The following CUL2 variants were observed in gnomAD, a reference collection of about 807,000 sequenced individuals.
CUL2 encodes cullin 2.
Under a neutral mutation model 110.2 loss-of-function variants are expected in CUL2, and 22 were observed. The observed-to-expected ratio is 0.20, with a 90% CI of 0.14 to 0.28. CUL2 has a LOEUF of 0.28. CUL2 is among the 10% of genes least tolerant of loss of function. The probability of loss-of-function intolerance (pLI) is 1.00; values close to 1 mark genes in which losing one functional copy is unlikely to be tolerated. For synonymous variants in CUL2, 279 were observed against 293.2 expected (o/e 0.95, Z 0.49); for missense variants, 631 against 905.5 (o/e 0.70, Z 3.89).
At chr10:35,020,956 T>G (rs1374652182) in intron 17 of CUL2, among the ~76,000 whole-genome samples, 1 of 150,330 alleles carries the variant, frequency 6.7e-6, no homozygotes, top group Admixed American at 6.8e-5. Flanking sequence ...TTCTTTTTAT[T>G]TTATGGGTTT....
chr10:35,022,143 C>T (rs1025750002), intron 17 of CUL2, among the ~76,000 whole-genome samples: 2 of 152,040 alleles, frequency 1.3e-5, no homozygotes, highest in African/African-American at 2.4e-5. Context: ...TTATTTCTGT[C>T]CACTTGGCGT....
At chr10:35,081,119 G>T (rs1476112906) in intron 1 of CUL2, among the ~76,000 whole-genome samples, 2 of 152,108 alleles carry the variant, frequency 1.3e-5, no homozygotes, top group Non-Finnish European at 2.9e-5. Flanking sequence ...AGCTACTCAG[G>T]AGGCTAAGGT....
At chr10:35,082,893 C>A (rs903166154) in intron 1 of CUL2, among the ~76,000 whole-genome samples, 3 of 152,134 alleles carry the variant, frequency 2.0e-5, no homozygotes, top group Non-Finnish European at 4.4e-5. Flanking sequence ...CATGGTGGCT[C>A]ATGCTTGTAA....
rs555560190 is a variant in CUL2, at chr10:35,113,729, C to T, written c.-50-12669G>A. On this transcript the variant is annotated intron_variant, in intron 1 of 5. Coordinates refer to the CUL2 transcript ENST00000685421. The stretch of plus-strand genomic sequence containing the variant: ...GTTTTTCTTTTTTATTTTTTTGAGA[C>T]GGAGTTTCGCTCTGTCACCCAGGCT... Among the ~76,000 whole-genome samples, 170 of 150,808 alleles carry T rather than the reference C, an allele frequency of 1.1e-3. 1 individual carries two copies. The highest frequency in any genetic ancestry group is 3.9e-3 in the African/African-American group (162 of 41,230).
intron 2 of CUL2, among the ~76,000 whole-genome samples, chr10:35,065,620 AAAAT>A (rs773974824): frequency 2.6e-5 from 4 of 152,056 alleles, no homozygotes; most frequent in Non-Finnish European, 4.4e-5. Flanking sequence ...CTCCATCTCA[AAAAT>A]AAATAAATAA....
At chr10:35,099,014 G>A (rs1049630296) in intron 2 of CUL2, among the ~76,000 whole-genome samples, 2 of 152,144 alleles carry the variant, frequency 1.3e-5, no homozygotes, top group East Asian at 1.9e-4. Context: ...GTCAAATGTG[G>A]TAAGTCTGGA....
intron 2 of CUL2, among the ~76,000 whole-genome samples, chr10:35,097,793 T>A (rs903553227): frequency 1.3e-5 from 2 of 151,864 alleles, no homozygotes; most frequent in Non-Finnish European, 2.9e-5. Flanking sequence ...ACCCCATCTT[T>A]ACCAAAAATA....
intron 4 of CUL2, among the ~76,000 whole-genome samples, chr10:35,056,711 C>T (rs1414280688): frequency 6.6e-6 from 1 of 152,210 alleles, no homozygotes; most frequent in Non-Finnish European, 1.5e-5. Context: ...AGGAGCGGTG[C>T]TCCCTCAGTA....
chr10:35,099,241 A>T (rs1316151734), intron 2 of CUL2, among the ~76,000 whole-genome samples: 1 of 152,074 alleles, frequency 6.6e-6, no homozygotes, highest in Non-Finnish European at 1.5e-5. Context: ...ATACAAAAAA[A>T]TTAGCTGGGC....
At chr10:35,047,700 T>C (rs1468665557) in intron 6 of CUL2, among the ~76,000 whole-genome samples, 1 of 151,290 alleles carries the variant, frequency 6.6e-6, no homozygotes, top group Non-Finnish European at 1.5e-5. Context: ...GTTGGATCTC[T>C]TGAGGTAGGA....
At chr10:35,091,052 C>T (rs961444259), upstream of CUL2, among the ~76,000 whole-genome samples, 2 of 152,192 alleles carry the variant, frequency 1.3e-5, no homozygotes, top group African/African-American at 4.8e-5. Context: ...AGAAACTTCA[C>T]ATCTTTTTCA....
chr10:35,039,765 G>A (rs1209939683), intron 8 of CUL2, among the ~76,000 whole-genome samples: 1 of 152,172 alleles, frequency 6.6e-6, no homozygotes, highest in Non-Finnish European at 1.5e-5. Context: ...CAGGGCAAGA[G>A]AATCACTTCA....
intron 1 of CUL2, among the ~76,000 whole-genome samples, chr10:35,077,367 G>C (rs1409499652): frequency 6.7e-6 from 1 of 150,270 alleles, no homozygotes; most frequent in Non-Finnish European, 1.5e-5. Flanking sequence ...GTGTGGTGGT[G>C]GCTGCCTATA....
intron 1 of CUL2, among the ~76,000 whole-genome samples, chr10:35,112,027 C>T (rs2087529634): frequency 6.6e-6 from 1 of 152,160 alleles, no homozygotes; most frequent in Non-Finnish European, 1.5e-5. Context: ...CTGAAGGCCT[C>T]ATTACTCCTT....
At chr10:35,080,292 C>T (rs914134282) in intron 1 of CUL2, among the ~76,000 whole-genome samples, 1 of 152,080 alleles carries the variant, frequency 6.6e-6, no homozygotes, top group African/African-American at 2.4e-5. Context: ...GAGCAAGCCA[C>T]TGGATGTAAC....
chr10:35,118,578 T>C (rs2087635878), intron 1 of CUL2: 1 of 152,236 alleles, frequency 6.6e-6, no homozygotes, highest in African/African-American at 2.4e-5. Flanking sequence ...TTATTTTCAA[T>C]TCTTATTGTC....
intron 1 of CUL2, chr10:35,074,213 G>A: frequency 6.5e-7 from 1 of 1,535,346 alleles, no homozygotes; most frequent in Non-Finnish European, 8.7e-7. Context: ...AGTTGACCAT[G>A]TTACTCTGTA....
intron 1 of CUL2, among the ~76,000 whole-genome samples, chr10:35,080,373 A>G (rs1269811784): frequency 6.6e-6 from 1 of 152,128 alleles, no homozygotes; most frequent in Non-Finnish European, 1.5e-5. Flanking sequence ...TGACCCACAG[A>G]GCTCTAAGTA....
intron 8 of CUL2, among the ~76,000 whole-genome samples, chr10:35,043,346 G>A (rs1342104390): frequency 6.6e-6 from 1 of 151,416 alleles, no homozygotes; most frequent in African/African-American, 2.5e-5. Context: ...TAGAACCACT[G>A]ATCTAGTGTA....
Sources: gnomAD v4.1 joint callset for allele counts (sites outside exome capture counted in the v4.1 genomes callset) on GRCh38, gnomAD v4.1.1 for gene constraint, MANE v1.5 for transcripts, NCBI Gene and HGNC (gene_info 2026-07-23, HGNC 2026-07-21) for gene names.